The following RMND5A variants were observed in gnomAD, a reference collection of about 807,000 sequenced individuals.
RMND5A encodes the protein E3 ubiquitin-protein transferase RMND5A.
Under a neutral mutation model 49.7 loss-of-function variants are expected in RMND5A, and 17 were observed. The ratio of observed to expected loss-of-function variants is 0.34; its 90% CI spans 0.23 to 0.51. The LOEUF is 0.51. Ranked by LOEUF, RMND5A falls within the 20% of genes least tolerant of loss-of-function variation. The pLI is 0.96. For synonymous variants in RMND5A, 156 were observed against 167.7 expected, an observed-to-expected ratio of 0.93 and a Z score of 0.54; for missense variants, 255 against 471.3, an observed-to-expected ratio of 0.54 and a Z score of 4.25.
At chr2:86,771,019 A>G (rs1445554575) in intron 7 of RMND5A, among the ~76,000 whole-genome samples, 1 of 152,200 alleles carries the variant, frequency 6.6e-6, no homozygotes, top group Non-Finnish European at 1.5e-5. Flanking sequence ...TCCAGCAGGT[A>G]ACCCTGTCAG....
At chr2:86,749,867 G>A (rs1681603270) in intron 2 of RMND5A, among the ~76,000 whole-genome samples, 1 of 152,108 alleles carries the variant, frequency 6.6e-6, no homozygotes, top group African/African-American at 2.4e-5. Context: ...CTAGAGATAG[G>A]GTAGATAGCT....
At chr2:86,765,780 G>A in intron 5 of RMND5A, 79 bp from the exon 6 acceptor site, 1 of 1,259,450 alleles carries the variant, frequency 7.9e-7, no homozygotes, top group Non-Finnish European at 1.1e-6. Context: ...GGCTGTATCA[G>A]TATGGGTGGG....
chr2:86,746,806 G>T (rs1416165923), intron 2 of RMND5A, among the ~76,000 whole-genome samples: 1 of 152,236 alleles, frequency 6.6e-6, no homozygotes, highest in Non-Finnish European at 1.5e-5. Context: ...GCCTGGCAGA[G>T]TGGTTTGGCA....
chr2:86,732,623 A>ATG (rs1372603512), intron 1 of RMND5A, among the ~76,000 whole-genome samples: 3 of 149,932 alleles, frequency 2.0e-5, no homozygotes, highest in Non-Finnish European at 4.4e-5. Flanking sequence ...CACCCTTTTA[A>ATG]TGTGTACGTT....
chr2:86,721,347 TAAC>T (rs1681217784), intron 1 of RMND5A, among the ~76,000 whole-genome samples: 1 of 151,898 alleles, frequency 6.6e-6, no homozygotes, highest in Non-Finnish European at 1.5e-5. Context: ...AGCTGTGGGT[TAAC>T]AACAGCCGCT....
In RMND5A at chr2:86,720,756, A is replaced by T; in HGVS notation, c.89A>T (p.Glu30Val). ...GYGQLCERGL[E>V]ELIDYTGGLK... ...GGGCAGCTGTGCGAGCGCGGCCTGG[A>T]GGAGCTCATCGACTACACCGGCGGC... Residue 30 changes from glutamate to valine, a missense_variant, in exon 1 of 9, where the codon GAG becomes GTG. By Grantham distance (121) the Glu-to-Val change is moderately radical (BLOSUM62 -2). Coordinates refer to ENST00000283632, the MANE Select transcript of RMND5A (RefSeq NM_022780.4). The T allele has an allele frequency of 1.3e-6, 2 of 1,595,130 alleles. No homozygotes were observed. Among genetic ancestry groups the T allele is most frequent in the Non-Finnish European group, 1.7e-6 (2 of 1,171,750 alleles).
rs1333032488 is a variant in RMND5A at position 86,738,577 on chromosome 2, T to A, written c.143-2350T>A. Among the ~76,000 whole-genome samples, 7 of 54,806 alleles carry A rather than the reference T, an allele frequency of 1.3e-4. 2 individuals are homozygous for A. The highest frequency in any genetic ancestry group is 2.3e-3 in the East Asian group (2 of 870). The allele number at this position is 54,806 out of a possible 152,430, so 36.0% of individuals were successfully genotyped here. A position where few individuals can be genotyped will look rare whatever the true frequency, so the allele number is the denominator to read the frequency against. Reference sequence around the variant, plus strand: ...AAATGTTTTTTGTGGGTTTTTTTTTTAATTAGTTTACATGCCTTCTCTGCT... The same window carrying A: ...AAATGTTTTTTGTGGGTTTTTTTTTAAATTAGTTTACATGCCTTCTCTGCT... On this transcript the variant is annotated intron_variant, in intron 1 of 8. Transcript: ENST00000283632.
chr2:86,749,731 A>G lies in RMND5A; in HGVS notation c.286-2165A>G, dbSNP rs1276229870. On this transcript the variant is annotated intron_variant, in intron 2 of 8. Transcript: ENST00000283632. The stretch of plus-strand genomic sequence containing the variant: ...TAGGTTAAATACTTGGCTAAGAAAA[A>G]TGTCTGTGAAAAGGAAATGAATAAA... 3.9e-5 allele frequency among the ~76,000 whole-genome samples: 6 copies of G among 152,156 alleles called. No individual in the cohort carries two copies. In the South Asian group the frequency reaches 1.0e-3, roughly 26 times the overall value.
At chr2:86,759,954 A>G (rs1672413333) in intron 4 of RMND5A, among the ~76,000 whole-genome samples, 1 of 152,040 alleles carries the variant, frequency 6.6e-6, no homozygotes, top group East Asian at 1.9e-4. Flanking sequence ...CTCAAACTTT[A>G]TGTCTTTCCT....
chr2:86,762,718 C>G lies in RMND5A; in HGVS notation c.522-2309C>G, dbSNP rs1216363454. On this transcript the variant is annotated intron_variant, in intron 4 of 8. Transcript: ENST00000283632. ...TATATATCATATATATCATATATAT[C>G]ATATATATCATATATATCATATATA... is the stretch of plus-strand genomic sequence containing the variant. 7.9e-4 allele frequency among the ~76,000 whole-genome samples: 23 copies of G among 28,942 alleles called. 1 individual carries two copies. Among genetic ancestry groups the G allele is most frequent in the Non-Finnish European group, 1.1e-3 (15 of 13,652 alleles). The allele number at this position is 28,942 out of a possible 152,430, so 19.0% of individuals were successfully genotyped here. A position where few individuals can be genotyped will look rare whatever the true frequency, so the allele number is the denominator to read the frequency against.
rs189742980 is a variant in RMND5A, at chr2:86,747,681, A to G, written c.286-4215A>G. On this transcript the variant is annotated intron_variant, in intron 2 of 8. Transcript: ENST00000283632. ...ACTTAGGAATTAAATACTGAGTTTT[A>G]TATATATTGTGACCACTGTCTGCTC... Among the ~76,000 whole-genome samples the G allele has an allele frequency of 5.3e-3, 808 of 152,320 alleles. 3 individuals are homozygous for G. The highest frequency in any genetic ancestry group is 8.7e-3 in the Non-Finnish European group (594 of 68,014).
At chr2:86,771,483 C>T in intron 7 of RMND5A, 75 bp from the exon 8 acceptor site, 1 of 1,306,430 alleles carries the variant, frequency 7.7e-7, no homozygotes, top group East Asian at 2.3e-5. Context: ...CTTTGCTGCA[C>T]AGTGTATATT....
At chr2:86,763,322 A>G (rs902034711) in intron 4 of RMND5A, among the ~76,000 whole-genome samples, 2 of 152,154 alleles carry the variant, frequency 1.3e-5, no homozygotes, top group Non-Finnish European at 1.5e-5. Context: ...TCATGCTTAT[A>G]TGATTGAAGG....
intron 7 of RMND5A, chr2:86,771,321 C>T (rs1672682103): frequency 4.4e-5 from 18 of 413,102 alleles, no homozygotes. Context: ...GTGATCAGGT[C>T]ATTGTTTGTC....
chr2:86,720,604 G>T lies in RMND5A; in HGVS notation c.-64G>T. On this transcript the variant is annotated 5_prime_UTR_variant, in exon 1 of 9. Coordinates refer to ENST00000283632, the MANE Select transcript of RMND5A (RefSeq NM_022780.4). Reference sequence around the variant, plus strand: ...ACGAGGAGCAGGACGCGGCCTCGGTGGGGCCCGGGCCGAACGGCTGCGGAC... The same window carrying T: ...ACGAGGAGCAGGACGCGGCCTCGGTTGGGCCCGGGCCGAACGGCTGCGGAC... 1.5e-6 allele frequency: 2 copies of T among 1,358,374 alleles called. No homozygotes were observed. Among genetic ancestry groups the T allele is most frequent in the Non-Finnish European group, 1.9e-6 (2 of 1,045,298 alleles). The allele number at this position is 1,358,374 out of a possible 1,614,324, so 84.1% of individuals were successfully genotyped here. A position where few individuals can be genotyped will look rare whatever the true frequency, so the allele number is the denominator to read the frequency against.
At chr2:86,757,822 C>T (rs1023370388) in intron 4 of RMND5A, among the ~76,000 whole-genome samples, 5 of 152,104 alleles carry the variant, frequency 3.3e-5, no homozygotes, top group Admixed American at 1.3e-4. Context: ...CCTTTAAAAA[C>T]GATAAAAACC....
chr2:86,749,421 G>T (rs1352603379), intron 2 of RMND5A, among the ~76,000 whole-genome samples: 1 of 149,966 alleles, frequency 6.7e-6, no homozygotes, highest in Non-Finnish European at 1.5e-5. Context: ...ATGGAGTCTT[G>T]CTCTGTCTCT....
rs1573449961 is a variant in RMND5A at position 86,775,582 on chromosome 2, C to CA, written c.*2171_*2172insA. 1 of 152,038 alleles carries CA rather than the reference C, an allele frequency of 6.6e-6. No homozygotes were observed. The highest frequency in any genetic ancestry group is 1.9e-4 in the East Asian group (1 of 5,148). 9.4% of individuals were successfully genotyped at this position (152,038 alleles called of 1,614,324 possible). On this transcript the variant is annotated 3_prime_UTR_variant, in exon 9 of 9. Transcript: ENST00000283632. ...GTGCTGGGAGCCAAAAAACTGTTGA[C>CA]GGTTTTTTGTGCAGCTCAAGAAAAC...
intron 4 of RMND5A, among the ~76,000 whole-genome samples, chr2:86,760,805 C>T (rs1672469255): frequency 6.6e-6 from 1 of 152,180 alleles, no homozygotes; most frequent in Non-Finnish European, 1.5e-5. Flanking sequence ...AGACCTAAGC[C>T]TACAGGAAGC....
Sources: gnomAD v4.1 joint callset for allele counts (sites outside exome capture counted in the v4.1 genomes callset) on GRCh38, gnomAD v4.1.1 for gene constraint, MANE v1.5 for transcripts, NCBI Gene and HGNC (gene_info 2026-07-23, HGNC 2026-07-21) for gene names.